PEPD: variants seen among roughly 807,000 people sequenced by gnomAD.
The protein encoded by PEPD is xaa-Pro dipeptidase.
Under a neutral mutation model 60.7 loss-of-function variants are expected in PEPD, and 53 were observed. The observed-to-expected ratio is 0.87, with a 90% CI of 0.70 to 1.10. The LOEUF is 1.10. PEPD is among the 50% of genes least tolerant of loss of function. PEPD has a pLI of 0.00. For synonymous variants in PEPD, 267 were observed against 284.1 expected (o/e 0.94, Z 0.60); for missense variants, 711 against 711.9 (o/e 1.00, Z 0.01).
intron 9 of PEPD, among the ~76,000 whole-genome samples, chr19:33,414,266 CCA>C (rs1254719264): frequency 6.6e-6 from 1 of 152,182 alleles, no homozygotes; most frequent in Non-Finnish European, 1.5e-5. Context: ...CTGGCTGGGC[CCA>C]CTCTACAAGC....
At chr19:33,429,470 A>T (rs965023313) in intron 9 of PEPD, among the ~76,000 whole-genome samples, 1 of 152,276 alleles carries the variant, frequency 6.6e-6, no homozygotes, top group Non-Finnish European at 1.5e-5. Flanking sequence ...GTTTAGCTCA[A>T]TTAACGTATT....
chr19:33,395,849 G>T (rs552752535), intron 12 of PEPD, among the ~76,000 whole-genome samples: 2 of 152,344 alleles, frequency 1.3e-5, no homozygotes, highest in South Asian at 4.1e-4. Flanking sequence ...GGCTCCGGCC[G>T]GGGTCCCAGG....
chr19:33,480,727 G>A (rs946749665), intron 6 of PEPD, among the ~76,000 whole-genome samples: 1 of 152,068 alleles, frequency 6.6e-6, no homozygotes, highest in Non-Finnish European at 1.5e-5. Flanking sequence ...CCGAGGAGGC[G>A]GAGATTGCAG....
At chr19:33,442,180 C>T (rs547456936) in intron 9 of PEPD, among the ~76,000 whole-genome samples, 1 of 152,288 alleles carries the variant, frequency 6.6e-6, no homozygotes, top group East Asian at 1.9e-4. Context: ...GGGTGGATTA[C>T]CTGAGGTCAG....
At chr19:33,464,126 C>T in intron 7 of PEPD, 64 bp from the exon 8 acceptor site, 1 of 1,191,750 alleles carries the variant, frequency 8.4e-7, no homozygotes, top group Non-Finnish European at 1.2e-6. Context: ...CTGGACCCCT[C>T]CAGGGAGAGC....
chr19:33,412,956 A>G (rs1968810366), intron 10 of PEPD, among the ~76,000 whole-genome samples: 1 of 152,222 alleles, frequency 6.6e-6, no homozygotes, highest in Admixed American at 6.5e-5. Context: ...ATGATCCCAT[A>G]TCACTGTCAT....
At chr19:33,444,954 G>A (rs1445626369) in intron 9 of PEPD, among the ~76,000 whole-genome samples, 5 of 152,184 alleles carry the variant, frequency 3.3e-5, no homozygotes, top group African/African-American at 1.2e-4. Context: ...TGTTGGCTGT[G>A]TGTCCAGGCT....
chr19:33,496,550 C>T (rs1970606812), intron 4 of PEPD, among the ~76,000 whole-genome samples: 1 of 152,222 alleles, frequency 6.6e-6, no homozygotes. Context: ...GACTCCGTGC[C>T]TCAAATATTA....
intron 9 of PEPD, among the ~76,000 whole-genome samples, chr19:33,415,839 T>A (rs952866959): frequency 6.6e-6 from 1 of 152,220 alleles, no homozygotes; most frequent in African/African-American, 2.4e-5. Flanking sequence ...GTGCTGGATA[T>A]TCACGCCCGC....
intron 9 of PEPD, among the ~76,000 whole-genome samples, chr19:33,454,671 A>AT (rs1969763601): frequency 1.3e-5 from 2 of 152,184 alleles, no homozygotes. Context: ...CAAATAAATA[A>AT]ATGAGGGAGA....
chr19:33,468,928 G>A (rs1018013026), intron 7 of PEPD, among the ~76,000 whole-genome samples: 14 of 152,184 alleles, frequency 9.2e-5, no homozygotes, highest in African/African-American at 1.7e-4. Flanking sequence ...GAGGGTGACA[G>A]TTCAGAGCCA....
intron 9 of PEPD, among the ~76,000 whole-genome samples, chr19:33,434,619 T>A (rs1242216104): frequency 6.6e-6 from 1 of 151,780 alleles, no homozygotes; most frequent in Non-Finnish European, 1.5e-5. Context: ...CCTCCCTTGG[T>A]CTCGGGGGTG....
intron 12 of PEPD, among the ~76,000 whole-genome samples, chr19:33,398,445 A>G (rs1968415510): frequency 6.6e-6 from 1 of 152,220 alleles, no homozygotes; most frequent in South Asian, 2.1e-4. Context: ...ACAGAGTGGG[A>G]GGCCAGCCCT....
intron 9 of PEPD, among the ~76,000 whole-genome samples, chr19:33,439,441 C>A (rs1035980928): frequency 2.6e-5 from 4 of 152,238 alleles, no homozygotes; most frequent in Admixed American, 2.0e-4. Context: ...GTAAAGACTC[C>A]TCCCCTTTGT....
At chr19:33,443,879 GCACACA>G (rs145734897) in intron 9 of PEPD, among the ~76,000 whole-genome samples, 1 of 151,418 alleles carries the variant, frequency 6.6e-6, no homozygotes, top group Admixed American at 6.6e-5. Flanking sequence ...ACATGCGCGT[GCACACA>G]CACACACAGT....
chr19:33,413,524 C>T (rs755857298), intron 10 of PEPD, 51 bp downstream of exon 10: 97 of 1,040,534 alleles, frequency 9.3e-5, no homozygotes, highest in Non-Finnish European at 1.3e-4. Context: ...CACTAACTGC[C>T]CTACCTCCTC....
rs755007246 is a variant in PEPD at position 33,490,051 on chromosome 19, C to T, written c.448G>A (p.Val150Ile). ...CAGACACTGCCGCTGTCCGTGTTGA[C>T]GCCACGCTGGGGAGAGAGAACACAG... ...KPSVLLTLRG[V>I]NTDSGSVCRE... Residue 150 changes from valine (V) to isoleucine (I), a missense_variant, in exon 6 of 15, where the codon GTC becomes ATC. Physicochemically the swap from Val to Ile is conservative, Grantham distance 29 (BLOSUM62 3). Coordinates refer to ENST00000244137, the MANE Select transcript of PEPD (RefSeq NM_000285.4). The T allele has an allele frequency of 7.4e-6, 12 of 1,611,596 alleles. No individual in the cohort carries two copies. In the Admixed American group the frequency reaches 8.3e-5, roughly 11 times the overall value.
At chr19:33,490,168 T>A in intron 5 of PEPD, 111 bp from the exon 6 acceptor site, 1 of 758,194 alleles carries the variant, frequency 1.3e-6, no homozygotes, top group Non-Finnish European at 2.4e-6. Context: ...GATCCCCTCC[T>A]GCCTTCCCCC....
In PEPD at chr19:33,446,175, C is replaced by T. The variant is rs567582460; in HGVS notation, c.671+16820G>A. On this transcript the variant is annotated intron_variant, in intron 9 of 14. Coordinates refer to ENST00000244137, the MANE Select transcript of PEPD (RefSeq NM_000285.4). ...AAGCCATTTCTCATCTGTTTGATCT[C>T]GGAGCCACCAGCACTATCTCCAGGC... 1.5e-3 allele frequency among the ~76,000 whole-genome samples: 234 copies of T among 152,244 alleles called. 1 individual carries two copies. Among genetic ancestry groups the T allele is most frequent in the African/African-American group, 5.1e-3 (213 of 41,540 alleles).
Sources: gnomAD v4.1 joint callset for allele counts (sites outside exome capture counted in the v4.1 genomes callset) on GRCh38, gnomAD v4.1.1 for gene constraint, MANE v1.5 for transcripts, NCBI Gene and HGNC (gene_info 2026-07-23, HGNC 2026-07-21) for gene names.